Variants in KSR1 observed in about 807,000 individuals in gnomAD.
KSR1 encodes kinase suppressor of ras 1.
KSR1 carries 35 observed loss-of-function variants against 92.9 expected under a neutral mutation model. The observed-to-expected ratio is 0.38, with a 90% CI of 0.29 to 0.50. The LOEUF (loss-of-function observed/expected upper bound fraction) is 0.50. KSR1 is among the 20% of genes least tolerant of loss of function. The probability of loss-of-function intolerance (pLI) is 0.94; values close to 1 mark genes in which losing one functional copy is unlikely to be tolerated. For missense variants in KSR1, 972 were observed against 1,158.5 expected (o/e 0.84, Z 2.34); for synonymous variants, 467 against 472.6 (o/e 0.99, Z 0.15).
chr17:27,526,037 CT>C (rs58774715), intron 1 of KSR1, among the ~76,000 whole-genome samples: 17 of 95,594 alleles, frequency 1.8e-4, no homozygotes, highest in Admixed American at 4.8e-4. Context: ...CTTTTCTTTT[CT>C]TTTCTTTCTC....
intron 1 of KSR1, among the ~76,000 whole-genome samples, chr17:27,525,893 A>G (rs1433124783): frequency 6.6e-6 from 1 of 152,234 alleles, no homozygotes; most frequent in Non-Finnish European, 1.5e-5. Context: ...GGTGTGCTAT[A>G]GGGAGAATGA....
At position 27,469,237 on chromosome 17, in the gene KSR1, CT is replaced by C. The variant is rs201850181; in HGVS notation, c.231+12366del. The stretch of plus-strand genomic sequence containing the variant: ...TCCTGAAGCCTAGCTTTGTTGACCA[CT>C]TTCTCATTTCTTTTCTCCGTGGTCT... On this transcript the variant is annotated intron_variant, in intron 1 of 20. Transcript: ENST00000644974. 3.9e-3 allele frequency among the ~76,000 whole-genome samples: 589 copies of C among 152,282 alleles called. 5 individuals carry two copies. Among genetic ancestry groups the C allele is most frequent in the Admixed American group, 0.032 (486 of 15,294 alleles).
intron 1 of KSR1, among the ~76,000 whole-genome samples, chr17:27,492,086 C>T (rs959519993): frequency 5.9e-5 from 9 of 152,090 alleles, no homozygotes; most frequent in African/African-American, 2.2e-4. Context: ...TGGAGACAGA[C>T]GGTACTGACA....
Position 27,597,196 on chromosome 17 carries a change from G to A in KSR1, c.1300-72G>A, listed in dbSNP as rs532498748. ...ACTGCTTCCTTTCCAGATGGGGAAG[G>A]GAGGGTGTGGCTGGTGGGAGGCAGG... On this transcript the variant is annotated intron_variant, in intron 9 of 20. Transcript: ENST00000644974. 4.6e-5 allele frequency: 68 copies of A among 1,479,184 alleles called. No homozygotes were observed. The African/African-American group carries it at 8.2e-4, about 18-fold the overall frequency. 91.6% of individuals were successfully genotyped at this position (1,479,184 alleles called of 1,614,324 possible).
intron 1 of KSR1, among the ~76,000 whole-genome samples, chr17:27,484,172 C>T (rs1001434333): frequency 6.6e-6 from 1 of 152,158 alleles, no homozygotes; most frequent in African/African-American, 2.4e-5. Flanking sequence ...AGTGGGGAGC[C>T]GCCCTTCCTT....
At position 27,583,091 on chromosome 17, in the gene KSR1, C is replaced by T. The variant is rs376690107; in HGVS notation, c.966C>T (p.Asp322=). The T allele has an allele frequency of 4.4e-5, 68 of 1,562,514 alleles. No homozygotes were observed. The highest frequency in any genetic ancestry group is 6.8e-5 in the African/African-American group (5 of 73,950). Reference sequence around the variant, plus strand: ...CTCAGCTGGGGAACCGCATTGATGACGTCTCCTCGATGAGGTGAGTGCTCC... The same window carrying T: ...CTCAGCTGGGGAACCGCATTGATGATGTCTCCTCGATGAGGTGAGTGCTCC... ...HESQLGNRID[D]VSSMRFDLSH... Residue 322 remains aspartate (D), a synonymous_variant, in exon 4 of 21, where the codon GAC becomes GAT. Coordinates refer to ENST00000644974, the MANE Select transcript of KSR1 (RefSeq NM_001394583.1).
At chr17:27,564,096 C>G (rs1482419228) in intron 2 of KSR1, among the ~76,000 whole-genome samples, 1 of 138,366 alleles carries the variant, frequency 7.2e-6, no homozygotes, top group African/African-American at 2.6e-5. Context: ...TCAAGCTATT[C>G]TCCTGTCTCA....
At chr17:27,597,919 G>T (rs548334626) in intron 10 of KSR1, among the ~76,000 whole-genome samples, 1 of 152,198 alleles carries the variant, frequency 6.6e-6, no homozygotes, top group Non-Finnish European at 1.5e-5. Context: ...CCCTTTATAA[G>T]ATAGGTGACC....
intron 10 of KSR1, among the ~76,000 whole-genome samples, chr17:27,597,723 C>T (rs955916341): frequency 6.6e-6 from 1 of 152,078 alleles, no homozygotes; most frequent in African/African-American, 2.4e-5. Context: ...ACATAATCCT[C>T]GCACTGCCCT....
At chr17:27,462,065 G>T (rs369178452) in intron 1 of KSR1, among the ~76,000 whole-genome samples, 1 of 152,196 alleles carries the variant, frequency 6.6e-6, no homozygotes, top group South Asian at 2.1e-4. Context: ...TGCCTTTGGG[G>T]TTAGGGGAAT....
At chr17:27,578,505 A>G (rs1247883709) in intron 3 of KSR1, 1 of 152,226 alleles carries the variant, frequency 6.6e-6, no homozygotes. Context: ...ACACAACAGA[A>G]GTGTGGCTGG....
At chr17:27,512,471 C>T (rs1217725732) in intron 1 of KSR1, among the ~76,000 whole-genome samples, 1 of 152,154 alleles carries the variant, frequency 6.6e-6, no homozygotes, top group Non-Finnish European at 1.5e-5. Context: ...GCCTGTAATC[C>T]CAGCACTTTG....
intron 6 of KSR1, among the ~76,000 whole-genome samples, chr17:27,589,612 C>T (rs1432503194): frequency 6.6e-6 from 1 of 152,166 alleles, no homozygotes; most frequent in Non-Finnish European, 1.5e-5. Flanking sequence ...GGCATTCATT[C>T]TGTTGTTACT....
At chr17:27,495,161 G>A (rs1388160395) in intron 1 of KSR1, among the ~76,000 whole-genome samples, 1 of 152,230 alleles carries the variant, frequency 6.6e-6, no homozygotes, top group Non-Finnish European at 1.5e-5. Flanking sequence ...ATTTTAGCAG[G>A]ACAGGAGCTT....
At chr17:27,601,821 A>G in intron 11 of KSR1, 1 of 1,081,044 alleles carries the variant, frequency 9.3e-7, no homozygotes, top group South Asian at 1.4e-5. Flanking sequence ...GTCTTAGAGA[A>G]GTAGAAACCC....
intron 1 of KSR1, among the ~76,000 whole-genome samples, chr17:27,535,409 G>A (rs1358134331): frequency 2.6e-5 from 4 of 152,168 alleles, no homozygotes; most frequent in Non-Finnish European, 4.4e-5. Context: ...AGTAATTCTG[G>A]TCTCATTTGA....
intron 2 of KSR1, chr17:27,560,567 A>G (rs1257791635): frequency 2.8e-5 from 14 of 503,346 alleles, no homozygotes; most frequent in Non-Finnish European, 5.6e-5. Context: ...TGGGGGACAA[A>G]GCTGCCTTAC....
intron 1 of KSR1, among the ~76,000 whole-genome samples, chr17:27,525,729 T>A (rs2070231927): frequency 6.6e-6 from 1 of 152,248 alleles, no homozygotes; most frequent in Admixed American, 6.5e-5. Flanking sequence ...AGCTGCTTAA[T>A]CTTCAGGCAG....
At chr17:27,617,937 C>T (rs531934047) in intron 19 of KSR1, among the ~76,000 whole-genome samples, 53 of 152,316 alleles carry the variant, frequency 3.5e-4, no homozygotes, top group African/African-American at 1.3e-3. Flanking sequence ...ATTTTGGAGA[C>T]TCCCTTTGAC....
Sources: gnomAD v4.1 joint callset for allele counts (sites outside exome capture counted in the v4.1 genomes callset) on GRCh38, gnomAD v4.1.1 for gene constraint, MANE v1.5 for transcripts, NCBI Gene and HGNC (gene_info 2026-07-23, HGNC 2026-07-21) for gene names.